ZDBF2: variants seen among roughly 807,000 people sequenced by gnomAD.
ZDBF2 encodes the protein DBF4-type zinc finger-containing protein 2.
ZDBF2 carries 6 observed loss-of-function variants against 9.4 expected under a neutral mutation model. The observed-to-expected ratio is 0.64, with a 90% CI of 0.35 to 1.27. The LOEUF is 1.27. Among genes scored for constraint, ZDBF2 ranks in the 50% most tolerant of loss-of-function variants. ZDBF2 has a pLI of 0.03. For synonymous variants in ZDBF2, 905 were observed against 946.3 expected, an observed-to-expected ratio of 0.96 and a Z score of 0.80; for missense variants, 2,697 against 2,766.8, an observed-to-expected ratio of 0.97 and a Z score of 0.57.
At position 206,307,849 on chromosome 2, in the gene ZDBF2, GAT is replaced by G; in HGVS notation, c.3322_3323del (p.Ile1108Ter). 6.2e-7 allele frequency: 1 copy of G among 1,612,502 alleles called. No homozygotes were observed. The highest frequency in any genetic ancestry group is 8.5e-7 in the Non-Finnish European group (1 of 1,179,530). On this transcript the variant is annotated frameshift_variant, in exon 5 of 5. Coordinates refer to ENST00000374423, the MANE Select transcript of ZDBF2 (RefSeq NM_020923.3). LOFTEE classifies it low-confidence loss of function (END_TRUNC). Reference sequence around the variant, plus strand: ...AAGAGGTTATTGGCCTGAAAAATAAGATTAATGAACCTAGTACTTATAAATTA... The same window carrying G: ...AAGAGGTTATTGGCCTGAAAAATAAGTAATGAACCTAGTACTTATAAATTA... Reference protein sequence around the residue: ...KEEVIGLKNKINEPSTYKLIH... With the variant: ...KEEVIGLKNKXNEPSTYKLIH...
chr2:206,285,923 T>C (rs988173975), intron 3 of ZDBF2, among the ~76,000 whole-genome samples: 7 of 152,336 alleles, frequency 4.6e-5, no homozygotes, highest in Admixed American at 1.3e-4. Context: ...CCCCAACTTA[T>C]GGTATTGGTG....
intron 1 of ZDBF2, among the ~76,000 whole-genome samples, chr2:206,279,170 G>A (rs1559130060): frequency 6.6e-6 from 1 of 152,184 alleles, no homozygotes. Flanking sequence ...AAGCTAACGT[G>A]GTACCTGAGC....
At position 206,298,679 on chromosome 2, in the gene ZDBF2, A is replaced by G. The variant is rs1281942141; in HGVS notation, c.188+1306A>G. On this transcript the variant is annotated intron_variant, in intron 4 of 4. Transcript: ENST00000374423. Reference sequence around the variant, plus strand: ...GCTGGGATTACAGGCACCCGTCACCATGCCTGGCTAATTGTTTTGTATATT... The same window carrying G: ...GCTGGGATTACAGGCACCCGTCACCGTGCCTGGCTAATTGTTTTGTATATT... Among the ~76,000 whole-genome samples the G allele has an allele frequency of 5.3e-5, 8 of 152,030 alleles. 1 individual carries two copies. Among genetic ancestry groups the G allele is most frequent in the Admixed American group, 1.3e-4 (2 of 15,270 alleles).
Position 206,311,411 on chromosome 2 carries a change from G to T in ZDBF2, c.6883G>T (p.Val2295Leu). The change falls in exon 5 of 5, where the codon GTG becomes TTG. Residue 2295 changes from valine to leucine, a missense_variant. Val to Leu is a conservative substitution (Grantham distance 32). Around this residue, in one of 3 missense-constraint regions of ZDBF2, gnomAD observed 1,783 missense variants for 1,776.5 expected, o/e 1.00. Coordinates refer to ENST00000374423, the MANE Select transcript of ZDBF2 (RefSeq NM_020923.3). ...AMANPPPKRP[V>L]RASCRVARRR... ...GGCAAATCCTCCTCCAAAGCGACCT[G>T]TGCGGGCTTCTTGCCGCGTTGCAAG... is the stretch of plus-strand genomic sequence containing the variant. The T allele has an allele frequency of 6.2e-7, 1 of 1,609,758 alleles. No individual in the cohort carries two copies. The highest frequency in any genetic ancestry group is 8.5e-7 in the Non-Finnish European group (1 of 1,178,296).
intron 4 of ZDBF2, among the ~76,000 whole-genome samples, chr2:206,301,979 A>G (rs1295014015): frequency 7.0e-6 from 1 of 143,812 alleles, no homozygotes; most frequent in African/African-American, 2.6e-5. Flanking sequence ...TTTTTTTTTT[A>G]GCTCAAGAGT....
rs750211726 is a variant in ZDBF2 at position 206,281,804 on chromosome 2, G to C, written c.-46G>C. The C allele has an allele frequency of 5.1e-6, 8 of 1,568,712 alleles. No individual in the cohort carries two copies. In the South Asian group the frequency reaches 8.0e-5, roughly 16 times the overall value. ...CATTTTTCTTTTTGTTTTTCAGCTT[G>C]AGTATTCAAAGACAGTAGCCATCTG... On this transcript the variant is annotated 5_prime_UTR_variant, in exon 3 of 5. An upstream open reading frame in the 5' UTR loses its in-frame stop. Coordinates refer to ENST00000374423, the MANE Select transcript of ZDBF2 (RefSeq NM_020923.3).
At chr2:206,290,747 TG>T (rs529778904) in intron 3 of ZDBF2, among the ~76,000 whole-genome samples, 26 of 152,218 alleles carry the variant, frequency 1.7e-4, no homozygotes, top group Admixed American at 2.6e-4. Flanking sequence ...TAATTTTTTT[TG>T]TAGATTCCTT....
intron 3 of ZDBF2, among the ~76,000 whole-genome samples, chr2:206,294,029 T>C (rs913936559): frequency 2.0e-5 from 3 of 152,080 alleles, no homozygotes. Flanking sequence ...AAATAAGATA[T>C]GGCATATTCA....
In ZDBF2 at chr2:206,307,333, T is replaced by G; in HGVS notation, c.2805T>G (p.Ile935Met). The part of the protein sequence containing the change: ...HSVTGRSEDP[I>M]KEISLHTKEH... ...TGACTGGACGTTCTGAAGATCCCAT[T>G]AAAGAAATAAGCCTTCACACAAAAG... The change falls in exon 5 of 5, where the codon ATT becomes ATG. Residue 935 changes from isoleucine (I) to methionine (M), a missense_variant. Physicochemically the swap from Ile to Met is conservative, Grantham distance 10 (BLOSUM62 1). Transcript: ENST00000374423. 6.2e-7 allele frequency: 1 copy of G among 1,612,530 alleles called. No individual in the cohort carries two copies. The highest frequency in any genetic ancestry group is 8.5e-7 in the Non-Finnish European group (1 of 1,179,548).
chr2:206,279,355 T>C (rs1249137458), intron 1 of ZDBF2, among the ~76,000 whole-genome samples, 185 bp from the exon 2 acceptor site: 1 of 152,186 alleles, frequency 6.6e-6, no homozygotes, highest in African/African-American at 2.4e-5. Context: ...GCCAGAACTT[T>C]AGGAGGTCAT....
chr2:206,285,133 TATACTG>T (rs2105906097), intron 3 of ZDBF2, among the ~76,000 whole-genome samples: 1 of 152,362 alleles, frequency 6.6e-6, no homozygotes, highest in East Asian at 1.9e-4. Flanking sequence ...ATCTCCTTGA[TATACTG>T]ATTTCCTTTC....
chr2:206,304,557 T>G (rs116210727), intron 4 of ZDBF2, among the ~76,000 whole-genome samples, 160 bp from the exon 5 acceptor site: 28 of 152,310 alleles, frequency 1.8e-4, no homozygotes, highest in African/African-American at 6.3e-4. Context: ...TAATTCCCCC[T>G]CTGTGGTCCA....
chr2:206,311,517 G>T lies in ZDBF2; in HGVS notation c.6989G>T (p.Ser2330Ile). 1 of 1,574,524 alleles carries T rather than the reference G, an allele frequency of 6.4e-7. No individual in the cohort carries two copies. The highest frequency in any genetic ancestry group is 8.6e-7 in the Non-Finnish European group (1 of 1,164,664). Reference sequence around the variant, plus strand: ...CCTGTGAGAGCATATGATCTGAGAAGCTCATCTTGTTTACAACAACGTGAG... The same window carrying T: ...CCTGTGAGAGCATATGATCTGAGAATCTCATCTTGTTTACAACAACGTGAG... ...STPVRAYDLR[S>I]SSCLQQRERM... Residue 2330 changes from serine to isoleucine, a missense_variant, in exon 5 of 5, where the codon AGC (serine) becomes ATC (isoleucine). By Grantham distance (142) the Ser-to-Ile change is moderately radical. Coordinates refer to ENST00000374423, the MANE Select transcript of ZDBF2 (RefSeq NM_020923.3).
chr2:206,299,022 A>G (rs1343807568), intron 4 of ZDBF2, among the ~76,000 whole-genome samples: 1 of 151,476 alleles, frequency 6.6e-6, no homozygotes, highest in Non-Finnish European at 1.5e-5. Flanking sequence ...CTGGGATTAC[A>G]GGCATATGCC....
chr2:206,296,328 C>T (rs1309230672), intron 3 of ZDBF2, among the ~76,000 whole-genome samples: 1 of 152,206 alleles, frequency 6.6e-6, no homozygotes, highest in Non-Finnish European at 1.5e-5. Flanking sequence ...ATTTGTCCAG[C>T]GTATTCCTGC....
chr2:206,276,257 A>G (rs183701011), intron 1 of ZDBF2, among the ~76,000 whole-genome samples: 94 of 152,302 alleles, frequency 6.2e-4, no homozygotes, highest in Middle Eastern at 3.4e-3. Flanking sequence ...GTAAGATCGC[A>G]TAGAAAATAT....
Position 206,307,666 on chromosome 2 carries a change from T to C in ZDBF2, c.3138T>C (p.Asn1046=). The C allele has an allele frequency of 1.2e-6, 2 of 1,612,846 alleles. No individual in the cohort carries two copies. Among genetic ancestry groups the C allele is most frequent in the Non-Finnish European group, 1.7e-6 (2 of 1,179,552 alleles). ...CSGSEIILDS[N]VPPQSMTDQP... is the part of the protein sequence containing the mutation. ...GTTCTGAAATAATTTTGGATTCTAA[T>C]GTTCCACCTCAGTCAATGACTGACC... The change falls in exon 5 of 5, where the codon AAT becomes AAC. Residue 1046 remains asparagine, a synonymous_variant. Transcript: ENST00000374423.
At chr2:206,287,385 C>A (rs1175330275) in intron 3 of ZDBF2, among the ~76,000 whole-genome samples, 1 of 152,148 alleles carries the variant, frequency 6.6e-6, no homozygotes, top group East Asian at 1.9e-4. Context: ...TTAGCACTTT[C>A]AATATATCAT....
At chr2:206,280,566 A>C (rs938147382) in intron 2 of ZDBF2, among the ~76,000 whole-genome samples, 9 of 152,200 alleles carry the variant, frequency 5.9e-5, no homozygotes, top group African/African-American at 2.2e-4. Context: ...AAGTGAAGTA[A>C]ATTAGTGGAA....
Sources: gnomAD v4.1 joint callset for allele counts (sites outside exome capture counted in the v4.1 genomes callset) on GRCh38, gnomAD v4.1.1 for gene constraint, gnomAD v4.1.1 regional missense constraint, MANE v1.5 for transcripts, NCBI Gene and HGNC (gene_info 2026-07-23, HGNC 2026-07-21) for gene names.